Variants in CSE1L observed in about 807,000 individuals in gnomAD.
CSE1L encodes the protein exportin-2.
A neutral mutation model predicts 120.4 loss-of-function variants in CSE1L; 24 were observed. The ratio of observed to expected loss-of-function variants is 0.20; its 90% confidence interval spans 0.14 to 0.28. CSE1L has a LOEUF of 0.28. CSE1L is among the 10% of genes least tolerant of loss of function. The pLI is 1.00. For missense variants in CSE1L, 830 were observed against 1,145.2 expected, an observed-to-expected ratio of 0.72 and a Z score of 3.97; for synonymous variants, 402 against 398.3, an observed-to-expected ratio of 1.01 and a Z score of -0.11.
chr20:49,087,383 A>T (rs1368687939), intron 16 of CSE1L, among the ~76,000 whole-genome samples: 1 of 119,816 alleles, frequency 8.3e-6, no homozygotes. Flanking sequence ...AGAGAGAGGG[A>T]GTCTCGCTCT....
intron 2 of CSE1L, among the ~76,000 whole-genome samples, chr20:49,062,752 G>A (rs1025953587): frequency 2.6e-5 from 4 of 151,732 alleles, no homozygotes; most frequent in South Asian, 2.1e-4. Flanking sequence ...TATGTAAATC[G>A]TTGGACCCAT....
chr20:49,072,824 C>T, intron 10 of CSE1L, 127 bp downstream of exon 10: 1 of 1,003,380 alleles, frequency 1.0e-6, no homozygotes, highest in Non-Finnish European at 1.4e-6. Context: ...TTTTCTAAAC[C>T]AAGACAGAAA....
At chr20:49,061,707 G>T (rs995982087) in intron 2 of CSE1L, among the ~76,000 whole-genome samples, 1 of 151,556 alleles carries the variant, frequency 6.6e-6, no homozygotes, top group Non-Finnish European at 1.5e-5. Flanking sequence ...GTTTCACCAG[G>T]TTAGTCAGGA....
chr20:49,061,497 AT>A (rs1271530521), intron 2 of CSE1L, among the ~76,000 whole-genome samples: 4 of 144,098 alleles, frequency 2.8e-5, no homozygotes, highest in Non-Finnish European at 6.0e-5. Flanking sequence ...TTATTTATTT[AT>A]TTATTTATTT....
rs775845164 is a variant in CSE1L, at chr20:49,089,749, G to A, written c.2181+3G>A. 6.8e-6 allele frequency: 11 copies of A among 1,613,840 alleles called. No homozygotes were observed. The highest frequency in any genetic ancestry group is 9.3e-6 in the Non-Finnish European group (11 of 1,179,760). Reference sequence around the variant, plus strand: ...CAAGTGCTGCAGCTGACAAAATTGTGCGTCAGGTTTTGATATAACTGTAAT... The same window carrying A: ...CAAGTGCTGCAGCTGACAAAATTGTACGTCAGGTTTTGATATAACTGTAAT... On this transcript the variant is annotated splice_donor_region_variant and intron_variant, in intron 19 of 24. Coordinates refer to ENST00000262982, the MANE Select transcript of CSE1L (RefSeq NM_001316.4).
rs949558456 is a variant in CSE1L at position 49,096,556 on chromosome 20, T to C, written c.*118T>C. The C allele has an allele frequency of 3.9e-6, 3 of 760,390 alleles. No individual in the cohort carries two copies. Among genetic ancestry groups the C allele is most frequent in the Non-Finnish European group, 6.7e-6 (3 of 450,398 alleles). The allele number at this position is 760,390 out of a possible 1,614,324, so 47.1% of individuals were successfully genotyped here. ...TTTGAACTTGTCACGAATTCCATCT[T>C]GTAAAGGATATTAAATGTTGCTTTA... On this transcript the variant is annotated 3_prime_UTR_variant, in exon 25 of 25. Coordinates refer to ENST00000262982, the MANE Select transcript of CSE1L (RefSeq NM_001316.4).
At chr20:49,085,774 A>G (rs2426126) in intron 16 of CSE1L, among the ~76,000 whole-genome samples, 114,179 of 151,382 alleles carry the variant, frequency 0.75, 43,707 homozygotes, top group African/African-American at 0.88. Context: ...GTTTTGCCAT[A>G]TTGGCCAGGC....
At chr20:49,060,216 G>A (rs1481936027) in intron 2 of CSE1L, among the ~76,000 whole-genome samples, 2 of 150,642 alleles carry the variant, frequency 1.3e-5, no homozygotes, top group Non-Finnish European at 2.9e-5. Flanking sequence ...AGGTGCATTT[G>A]CTCACGCCTG....
Position 49,089,352 on chromosome 20 carries a change from G to A in CSE1L, c.1927G>A (p.Ala643Thr). ...TGCTGCTGTTGTAAATTTTGAGGAG[G>A]CTTTGTTTTTGGTGTTTACTGAAAT... Reference protein sequence around the residue: ...NPAAVVNFEEALFLVFTEILQ... With the variant: ...NPAAVVNFEETLFLVFTEILQ... Residue 643 changes from alanine to threonine, a missense_variant, in exon 18 of 25, where the codon GCT (alanine) becomes ACT (threonine). By Grantham distance (58) the Ala-to-Thr change is moderately conservative (BLOSUM62 0). Around this residue, in one of 4 missense-constraint regions of CSE1L, gnomAD observed 168 missense variants for 267.9 expected, o/e 0.63. Transcript: ENST00000262982. 1.2e-6 allele frequency: 2 copies of A among 1,612,632 alleles called. No homozygotes were observed. The highest frequency in any genetic ancestry group is 1.7e-6 in the Non-Finnish European group (2 of 1,179,682).
chr20:49,048,962 A>G (rs1273279609), intron 1 of CSE1L, among the ~76,000 whole-genome samples: 2 of 152,184 alleles, frequency 1.3e-5, no homozygotes, highest in African/African-American at 4.8e-5. Flanking sequence ...GATGTCTGTG[A>G]GATGGCTTTG....
At chr20:49,085,176 A>G in intron 15 of CSE1L, 107 bp from the exon 16 acceptor site, 1 of 773,416 alleles carries the variant, frequency 1.3e-6, no homozygotes, top group Admixed American at 2.3e-5. Context: ...GTGGTGGGAG[A>G]TGGCTCAGTT....
At chr20:49,074,057 A>G (rs536302743) in intron 10 of CSE1L, among the ~76,000 whole-genome samples, 1 of 152,018 alleles carries the variant, frequency 6.6e-6, no homozygotes, top group South Asian at 2.1e-4. Flanking sequence ...TCTACAATAA[A>G]TAAATTAGTT....
intron 3 of CSE1L, among the ~76,000 whole-genome samples, chr20:49,065,270 T>C (rs2091881921): frequency 6.6e-6 from 1 of 150,754 alleles, no homozygotes; most frequent in Admixed American, 6.6e-5. Flanking sequence ...GTAAAGATTT[T>C]AATTATGTGT....
intron 11 of CSE1L, 125 bp from the exon 12 acceptor site, chr20:49,075,193 G>A (rs1166993955): frequency 9.0e-5 from 69 of 770,640 alleles, no homozygotes; most frequent in Non-Finnish European, 9.5e-5. Flanking sequence ...TTTGTTTTTC[G>A]TTCTTTTTTT....
At chr20:49,046,767 C>T (rs117015033) in intron 1 of CSE1L, among the ~76,000 whole-genome samples, 6 of 151,822 alleles carry the variant, frequency 4.0e-5, no homozygotes, top group Non-Finnish European at 7.4e-5. Flanking sequence ...GCCGCCTCTC[C>T]GCTCGGGAAG....
chr20:49,066,164 A>C, intron 3 of CSE1L, 28 bp from the exon 4 acceptor site: 1 of 1,575,042 alleles, frequency 6.3e-7, no homozygotes, highest in South Asian at 1.1e-5. Context: ...ATTTTGTGTT[A>C]CTTCCTCAGT....
chr20:49,056,811 G>A (rs1391884891), intron 1 of CSE1L, among the ~76,000 whole-genome samples: 1 of 151,240 alleles, frequency 6.6e-6, no homozygotes, highest in Non-Finnish European at 1.5e-5. Context: ...ATTGTATAAT[G>A]GCTAAATCAA....
intron 1 of CSE1L, among the ~76,000 whole-genome samples, chr20:49,053,971 T>C (rs1386181870): frequency 6.6e-6 from 1 of 152,206 alleles, no homozygotes; most frequent in Non-Finnish European, 1.5e-5. Flanking sequence ...TCTGGATTAA[T>C]TGATGTGAAC....
At chr20:49,062,320 A>C (rs2091859118) in intron 2 of CSE1L, among the ~76,000 whole-genome samples, 2 of 152,202 alleles carry the variant, frequency 1.3e-5, no homozygotes, top group South Asian at 4.1e-4. Context: ...AGTCAGAAAG[A>C]GGGAAGGTGT....
Sources: gnomAD v4.1 joint callset for allele counts (sites outside exome capture counted in the v4.1 genomes callset) on GRCh38, gnomAD v4.1.1 for gene constraint, gnomAD v4.1.1 regional missense constraint, MANE v1.5 for transcripts, NCBI Gene and HGNC (gene_info 2026-07-23, HGNC 2026-07-21) for gene names.